FAM133A: variants seen among roughly 807,000 people sequenced by gnomAD.
FAM133A encodes the protein protein FAM133A.
For missense variants in FAM133A, 159 were observed against 164.4 expected, an observed-to-expected ratio of 0.97 and a Z score of 0.18; for synonymous variants, 65 against 58.6, an observed-to-expected ratio of 1.11 and a Z score of -0.50.
chrX:93,702,837 TAAAAAAAAAAAAA>T (rs33985910), intron 3 of FAM133A, among the ~76,000 whole-genome samples: 5 of 43,032 alleles, frequency 1.2e-4, no homozygotes, highest in East Asian at 9.7e-4. Context: ...ATAGCTATGA[TAAAAAAAAAAAAA>T]AAAAAAAAAA....
At chrX:93,696,621 C>T (rs1926292158) in intron 2 of FAM133A, among the ~76,000 whole-genome samples, 1 of 111,116 alleles carries the variant, frequency 9.0e-6, no homozygotes, top group African/African-American at 3.3e-5. Context: ...CTGGAAATTG[C>T]TTAAGAGTAG....
Position 93,685,968 on chromosome X carries a change from G to T in FAM133A, c.-193+11216G>T, listed in dbSNP as rs757161548. ...TACTGAAAATACAAAAATTAGCTGGGCGTGGTGGCAGGCACCTGTAATCCC... is the reference window on the plus strand; with the variant it reads ...TACTGAAAATACAAAAATTAGCTGGTCGTGGTGGCAGGCACCTGTAATCCC... On this transcript the variant is annotated intron_variant, in intron 2 of 3. Coordinates refer to ENST00000683942, the MANE Select transcript of FAM133A (RefSeq NM_001171109.2). Among the ~76,000 whole-genome samples, 3 of 109,063 alleles carry T rather than the reference G, an allele frequency of 2.8e-5. No individual in the cohort carries two copies. In the South Asian group the frequency reaches 1.2e-3, roughly 45 times the overall value. The allele number at this position is 109,063 out of a possible 115,157, so 94.7% of individuals were successfully genotyped here. A position where few individuals can be genotyped will look rare whatever the true frequency, so the allele number is the denominator to read the frequency against.
At chrX:93,679,684 A>AT (rs1924969619) in intron 2 of FAM133A, among the ~76,000 whole-genome samples, 1 of 105,912 alleles carries the variant, frequency 9.4e-6, no homozygotes, top group Non-Finnish European at 1.9e-5. Flanking sequence ...GTAAATACTT[A>AT]TTTTTTTCTG....
intron 2 of FAM133A, among the ~76,000 whole-genome samples, chrX:93,688,800 AG>A (rs1925704106): frequency 9.0e-6 from 1 of 110,796 alleles, no homozygotes; most frequent in East Asian, 2.8e-4. Context: ...AATCTAATTT[AG>A]GAGAGAAAAA....
intron 2 of FAM133A, among the ~76,000 whole-genome samples, chrX:93,685,965 T>C (rs961706628): frequency 3.7e-5 from 4 of 109,052 alleles, no homozygotes; most frequent in African/African-American, 1.3e-4. Context: ...AAAAATTAGC[T>C]GGGCGTGGTG....
intron 2 of FAM133A, among the ~76,000 whole-genome samples, chrX:93,695,634 CTTTTTTTTTT>C (rs759503397): frequency 6.2e-5 from 3 of 48,373 alleles, no homozygotes; most frequent in East Asian, 8.1e-4. Flanking sequence ...CAGGAATCTG[CTTTTTTTTTT>C]TTTTTTTTTT....
chrX:93,687,629 C>G (rs1033076794), intron 2 of FAM133A, among the ~76,000 whole-genome samples: 2 of 111,782 alleles, frequency 1.8e-5, no homozygotes, highest in Non-Finnish European at 3.8e-5. Flanking sequence ...ACATATGCAT[C>G]ACCTTAAACA....
At chrX:93,697,187 A>T (rs1423371820) in intron 2 of FAM133A, among the ~76,000 whole-genome samples, 1 of 100,112 alleles carries the variant, frequency 1.0e-5, no homozygotes, top group Non-Finnish European at 2.0e-5. Context: ...ATATATATAT[A>T]TATAATATAT....
At chrX:93,691,439 A>G (rs113435086) in intron 2 of FAM133A, among the ~76,000 whole-genome samples, 11,406 of 111,764 alleles carry the variant, frequency 0.1, 1,241 homozygotes, top group African/African-American at 0.32. Context: ...TCCTTTTGTA[A>G]AAAATCAATT....
At chrX:93,697,448 A>C (rs2147638907) in intron 2 of FAM133A, among the ~76,000 whole-genome samples, 1 of 110,847 alleles carries the variant, frequency 9.0e-6, no homozygotes, top group Non-Finnish European at 1.9e-5. Flanking sequence ...AATGTTTACA[A>C]TATTTAACCC....
At chrX:93,697,755 A>G (rs1464661069) in intron 2 of FAM133A, among the ~76,000 whole-genome samples, 1 of 111,688 alleles carries the variant, frequency 9.0e-6, no homozygotes, top group South Asian at 3.7e-4. Context: ...GCCCATGGTC[A>G]TGGGACCATA....
chrX:93,681,165 T>C (rs1481699720), intron 2 of FAM133A, among the ~76,000 whole-genome samples: 2 of 110,942 alleles, frequency 1.8e-5, no homozygotes. Context: ...TTAATTTTAC[T>C]ATAAAGGAAG....
At chrX:93,703,160 G>A (rs1005664704) in intron 3 of FAM133A, among the ~76,000 whole-genome samples, 2 of 111,677 alleles carry the variant, frequency 1.8e-5, no homozygotes, top group Non-Finnish European at 3.8e-5. Context: ...CTGCACTCCA[G>A]CCTGGGCAAC....
At chrX:93,673,903 G>A (rs1924483070), upstream of FAM133A, 1 of 104,311 alleles carries the variant, frequency 9.6e-6, no homozygotes, top group Non-Finnish European at 1.9e-5. Context: ...TTCCTAACAA[G>A]GGCAAAAGAG....
At chrX:93,702,881 C>G (rs1459948389) in intron 3 of FAM133A, among the ~76,000 whole-genome samples, 1 of 64,140 alleles carries the variant, frequency 1.6e-5, no homozygotes, top group South Asian at 8.8e-4. Flanking sequence ...CAACACTAGA[C>G]AAACCCAAAT....
At chrX:93,678,919 C>T (rs1386941806) in intron 2 of FAM133A, among the ~76,000 whole-genome samples, 1 of 112,124 alleles carries the variant, frequency 8.9e-6, no homozygotes, top group Non-Finnish European at 1.9e-5. Context: ...ACAATGGAGA[C>T]AGTCACAGGA....
Position 93,709,705 on chromosome X carries a change from AAG to A in FAM133A, c.290_291del (p.Arg97LysfsTer15), listed in dbSNP as rs1244969572. On this transcript the variant is annotated frameshift_variant, in exon 4 of 4. Coordinates refer to ENST00000683942, the MANE Select transcript of FAM133A (RefSeq NM_001171109.2). LOFTEE classifies it low-confidence loss of function (END_TRUNC). The stretch of plus-strand genomic sequence containing the variant: ...ATCTAAAAAAAGAGAAAGAAAGAAA[AAG>A]AGAAAGAAGAAATCTTGTCGGTCTT... ...SSSKKRERKK[K>X]RKKKSCRSSS... 8.4e-7 allele frequency: 1 copy of A among 1,193,886 alleles called. No individual in the cohort carries two copies. Among genetic ancestry groups the A allele is most frequent in the Non-Finnish European group, 1.1e-6 (1 of 888,546 alleles).
chrX:93,708,980 T>C (rs1439018625), intron 3 of FAM133A, among the ~76,000 whole-genome samples: 1 of 111,719 alleles, frequency 9.0e-6, no homozygotes, highest in African/African-American at 3.3e-5. Context: ...GATTTTAGTT[T>C]TATAAATTTC....
Position 93,710,077 on chromosome X carries a change from G to GA in FAM133A, c.663dup (p.Val222SerfsTer13), listed in dbSNP as rs1927333891. The GA allele has an allele frequency of 8.4e-7, 1 of 1,197,250 alleles. No individual in the cohort carries two copies. Reference sequence around the variant, plus strand: ...GTGTGAAGAGCGAGAACAAGCAAAGGAAAAAGTAAAGAAGAAGAAGAAGAA... The same window carrying GA: ...GTGTGAAGAGCGAGAACAAGCAAAGGAAAAAAGTAAAGAAGAAGAAGAAGAA... On this transcript the variant is annotated frameshift_variant, in exon 4 of 4. Coordinates refer to ENST00000683942, the MANE Select transcript of FAM133A (RefSeq NM_001171109.2). LOFTEE classifies it high-confidence loss of function.
Sources: allele counts gnomAD v4.1 joint callset (sites outside exome capture counted in the v4.1 genomes callset), GRCh38; gene constraint gnomAD v4.1.1; transcripts MANE v1.5; gene names NCBI Gene and HGNC (gene_info 2026-07-23, HGNC 2026-07-21).